NEK7: variants seen among roughly 807,000 people sequenced by gnomAD.
NEK7 encodes NIMA related kinase 7.
NEK7 carries 18 observed loss-of-function variants against 44.6 expected under a neutral mutation model. The ratio of observed to expected loss-of-function variants is 0.40; its 90% CI spans 0.28 to 0.60. The LOEUF (loss-of-function observed/expected upper bound fraction) is 0.60. NEK7 is among the 20% of genes least tolerant of loss of function. The pLI, the probability that NEK7 is intolerant of heterozygous loss-of-function variation, is 0.38. For missense variants in NEK7, 256 were observed against 366.5 expected (o/e 0.70, Z 2.46); for synonymous variants, 130 against 121.1 (o/e 1.07, Z -0.48).
chr1:198,319,347 C>T, intron 9 of NEK7, 65 bp from the exon 10 acceptor site: 2 of 1,007,530 alleles, frequency 2.0e-6, no homozygotes, highest in Non-Finnish European at 3.0e-6. Flanking sequence ...ATAATTTCTT[C>T]CTCTCAGTAA....
chr1:198,236,416 T>G (rs1666546501), intron 2 of NEK7, among the ~76,000 whole-genome samples: 1 of 152,140 alleles, frequency 6.6e-6, no homozygotes, highest in African/African-American at 2.4e-5. Flanking sequence ...GAAAGAAGAC[T>G]CTTGCTATAG....
At chr1:198,256,708 C>A (rs1326069102) in intron 3 of NEK7, among the ~76,000 whole-genome samples, 1 of 152,050 alleles carries the variant, frequency 6.6e-6, no homozygotes, top group Non-Finnish European at 1.5e-5. Flanking sequence ...GGGGGTACAA[C>A]AAAGACACCT....
chr1:198,210,183 C>T lies in NEK7; in HGVS notation c.-28-22370C>T, dbSNP rs548970155. 1.2e-3 allele frequency among the ~76,000 whole-genome samples: 186 copies of T among 152,208 alleles called. 1 individual carries two copies. In the South Asian group the frequency reaches 0.012, roughly 10 times the overall value. ...TATCATAGCTTACCGTAACTTTAAA[C>T]TCCTGGGTTCAAGTGATCCTCCTGC... On this transcript the variant is annotated intron_variant, in intron 1 of 9. Coordinates refer to ENST00000367385, the MANE Select transcript of NEK7 (RefSeq NM_133494.3).
At chr1:198,236,988 C>T (rs578061329) in intron 2 of NEK7, among the ~76,000 whole-genome samples, 1 of 152,304 alleles carries the variant, frequency 6.6e-6, no homozygotes, top group East Asian at 1.9e-4. Context: ...CACTGTGCCA[C>T]CTAAGCTGCT....
intron 1 of NEK7, among the ~76,000 whole-genome samples, chr1:198,178,444 G>A (rs1174679470): frequency 2.0e-5 from 3 of 151,958 alleles, no homozygotes; most frequent in Non-Finnish European, 2.9e-5. Flanking sequence ...TATGTTGGTC[G>A]AATATTGACC....
intron 5 of NEK7, among the ~76,000 whole-genome samples, chr1:198,268,270 C>G (rs1024178906): frequency 6.6e-6 from 1 of 151,860 alleles, no homozygotes; most frequent in Non-Finnish European, 1.5e-5. Context: ...TAAATTCTGA[C>G]TCTATATGGC....
chr1:198,219,208 G>GTA (rs1666014522), intron 1 of NEK7, among the ~76,000 whole-genome samples: 2 of 150,848 alleles, frequency 1.3e-5, no homozygotes, highest in Non-Finnish European at 3.0e-5. Flanking sequence ...GTGTGTGTGT[G>GTA]TATATATGTT....
At chr1:198,317,365 C>T (rs1483915769) in intron 9 of NEK7, among the ~76,000 whole-genome samples, 2 of 152,202 alleles carry the variant, frequency 1.3e-5, no homozygotes, top group Non-Finnish European at 2.9e-5. Context: ...AGCATCTGCT[C>T]ACTGGCACTC....
At chr1:198,307,058 G>A (rs1340508717) in intron 9 of NEK7, among the ~76,000 whole-genome samples, 1 of 152,098 alleles carries the variant, frequency 6.6e-6, no homozygotes, top group East Asian at 1.9e-4. Context: ...AGGGATAGAA[G>A]GGAATGTAAA....
At chr1:198,228,221 G>A (rs1385597179) in intron 1 of NEK7, among the ~76,000 whole-genome samples, 8 of 152,074 alleles carry the variant, frequency 5.3e-5, no homozygotes, top group South Asian at 2.1e-4. Context: ...TGTTCCATTG[G>A]TCTATATCTC....
chr1:198,170,000 T>G (rs768622211), intron 1 of NEK7, among the ~76,000 whole-genome samples: 20 of 152,190 alleles, frequency 1.3e-4, no homozygotes, highest in Non-Finnish European at 2.1e-4. Flanking sequence ...AGTAAGGGAA[T>G]GCCCAGAACA....
chr1:198,185,742 G>A (rs763555358), intron 1 of NEK7, among the ~76,000 whole-genome samples: 3 of 151,932 alleles, frequency 2.0e-5, no homozygotes, highest in African/African-American at 7.3e-5. Flanking sequence ...ATTAAAATTG[G>A]GGCAAGGAGT....
intron 1 of NEK7, among the ~76,000 whole-genome samples, chr1:198,210,469 CTT>C (rs927675519): frequency 1.1e-4 from 17 of 152,210 alleles, no homozygotes; most frequent in South Asian, 2.1e-4. Context: ...TATTGTTAGA[CTT>C]ATACTTTGTT....
chr1:198,274,610 T>G (rs1037074583), intron 5 of NEK7, among the ~76,000 whole-genome samples: 1 of 151,784 alleles, frequency 6.6e-6, no homozygotes, highest in African/African-American at 2.4e-5. Flanking sequence ...CTGGGTAATA[T>G]CACTGAAGCT....
chr1:198,158,357 T>C (rs1284347992), intron 1 of NEK7, among the ~76,000 whole-genome samples: 2 of 152,224 alleles, frequency 1.3e-5, no homozygotes, highest in African/African-American at 4.8e-5. Context: ...CCATAGTTTG[T>C]AGAGCCTAAT....
At chr1:198,185,522 A>G (rs1179773122) in intron 1 of NEK7, among the ~76,000 whole-genome samples, 1 of 152,166 alleles carries the variant, frequency 6.6e-6, no homozygotes, top group Non-Finnish European at 1.5e-5. Context: ...AGAACTAGAT[A>G]TCTAATTTAA....
intron 1 of NEK7, chr1:198,197,889 T>C (rs1013854488): frequency 1.9e-5 from 21 of 1,104,718 alleles, no homozygotes; most frequent in Non-Finnish European, 2.9e-5. Context: ...TTGTCCTCTA[T>C]CACTCCTAGT....
intron 8 of NEK7, among the ~76,000 whole-genome samples, chr1:198,293,988 G>A (rs1654635320): frequency 2.6e-5 from 4 of 151,782 alleles, no homozygotes; most frequent in Admixed American, 2.0e-4. Context: ...AATATATGAT[G>A]AAATCATCTA....
At chr1:198,280,106 C>T (rs919971277) in intron 7 of NEK7, among the ~76,000 whole-genome samples, 5 of 151,794 alleles carry the variant, frequency 3.3e-5, no homozygotes, top group African/African-American at 7.3e-5. Flanking sequence ...TTTCATAGAG[C>T]GTTATAATTT....
Sources: gnomAD v4.1 joint callset for allele counts (sites outside exome capture counted in the v4.1 genomes callset) on GRCh38, gnomAD v4.1.1 for gene constraint, MANE v1.5 for transcripts, NCBI Gene and HGNC (gene_info 2026-07-23, HGNC 2026-07-21) for gene names.